Variants in KIFBP observed in about 807,000 individuals in gnomAD.
KIFBP encodes the protein kinesin family binding protein.
In KIFBP, 46 loss-of-function variants were observed where a neutral mutation model predicts 58.9. The observed-to-expected ratio is 0.78, with a 90% CI of 0.62 to 1.00. The LOEUF (loss-of-function observed/expected upper bound fraction) is 1.00, where lower values mean the gene tolerates loss of function less well. Ranked by LOEUF, KIFBP falls within the 50% of genes least tolerant of loss-of-function variation. KIFBP has a pLI of 0.00. For missense variants in KIFBP, 651 were observed against 752.9 expected, an observed-to-expected ratio of 0.86 and a Z score of 1.58; for synonymous variants, 241 against 283.4, an observed-to-expected ratio of 0.85 and a Z score of 1.50.
intron 1 of KIFBP, 69 bp from the exon 2 acceptor site, chr10:69,000,355 A>G (rs1843453160): frequency 9.3e-7 from 1 of 1,076,586 alleles, no homozygotes; most frequent in Admixed American, 1.7e-5. Context: ...ATTGACTTCA[A>G]AACTATGAAA....
chr10:69,006,917 T>C (rs1451611898), intron 4 of KIFBP: 6 of 152,214 alleles, frequency 3.9e-5, no homozygotes, highest in Admixed American at 3.3e-4. Context: ...GACTTTGGTC[T>C]AAGATCAAGT....
chr10:68,996,646 A>T (rs1589294159), intron 1 of KIFBP, among the ~76,000 whole-genome samples: 1 of 152,144 alleles, frequency 6.6e-6, no homozygotes, highest in Non-Finnish European at 1.5e-5. Context: ...TGAGGTCAGC[A>T]GTTCGAGACC....
intron 6 of KIFBP, 141 bp from the exon 7 acceptor site, chr10:69,015,397 GTGT>G (rs1838983925): frequency 2.9e-6 from 2 of 682,308 alleles, no homozygotes; most frequent in Admixed American, 3.0e-5. Flanking sequence ...GTTTTCAAAG[GTGT>G]TTAAGATTAT....
intron 6 of KIFBP, among the ~76,000 whole-genome samples, chr10:69,014,986 A>T (rs1176049982): frequency 1.3e-5 from 2 of 152,040 alleles, no homozygotes; most frequent in Non-Finnish European, 2.9e-5. Context: ...GCTGTGGCGC[A>T]ATCTCCACTT....
intron 1 of KIFBP, among the ~76,000 whole-genome samples, chr10:68,994,091 T>C (rs575042979): frequency 1.3e-5 from 2 of 152,064 alleles, no homozygotes; most frequent in East Asian, 1.9e-4. Flanking sequence ...CAGGAGGCTG[T>C]GGGAGGACTG....
At chr10:69,009,492 A>G (rs1057497773) in intron 5 of KIFBP, among the ~76,000 whole-genome samples, 2 of 152,158 alleles carry the variant, frequency 1.3e-5, no homozygotes, top group Non-Finnish European at 2.9e-5. Flanking sequence ...CAGTTGTCAC[A>G]TCTCTTCAGG....
intron 6 of KIFBP, among the ~76,000 whole-genome samples, chr10:69,012,814 G>A (rs1200506309): frequency 1.3e-5 from 2 of 151,964 alleles, no homozygotes; most frequent in Non-Finnish European, 2.9e-5. Flanking sequence ...AATCACTTGA[G>A]CCCAGGAGGC....
At chr10:69,009,064 G>C (rs866377511) in intron 5 of KIFBP, 139 bp downstream of exon 5, 3 of 674,932 alleles carry the variant, frequency 4.4e-6, no homozygotes, top group Non-Finnish European at 7.9e-6. Context: ...TATTTTCCTC[G>C]CTTGGAATCA....
intron 1 of KIFBP, among the ~76,000 whole-genome samples, chr10:68,996,340 C>A (rs931960033): frequency 6.6e-6 from 1 of 151,304 alleles, no homozygotes; most frequent in Non-Finnish European, 1.5e-5. Flanking sequence ...GTGGGTGGAT[C>A]ACCTAAGGTC....
Position 69,005,105 on chromosome 10 carries a change from T to C in KIFBP, c.585T>C (p.Thr195=), listed in dbSNP as rs746531806. The change falls in exon 3 of 7, where the codon ACT becomes ACC. Residue 195 remains threonine, a synonymous_variant. Transcript: ENST00000361983. ...TTCTTCCTGAAGAAGAGAAACTTAC[T>C]GAACAAGAGAGATCAAAAAGGTGAG... ...ERFLPEEEKL[T]EQERSKRFEK... 1.2e-6 allele frequency: 2 copies of C among 1,612,696 alleles called. No individual in the cohort carries two copies. The highest frequency in any genetic ancestry group is 1.7e-6 in the Non-Finnish European group (2 of 1,178,748).
rs1554842726 is a variant in KIFBP, at chr10:68,998,757, GTA to G, written c.427-1653_427-1652del. On this transcript the variant is annotated intron_variant, in intron 1 of 6. Transcript: ENST00000361983. ...TACATACATACATACATACATATATGTATATATATATATATTTTTTTTTTTTT... is the reference window on the plus strand; with the variant it reads ...TACATACATACATACATACATATATGTATATATATATATTTTTTTTTTTTT... Among the ~76,000 whole-genome samples, 16 of 79,886 alleles carry G rather than the reference GTA, an allele frequency of 2.0e-4. No homozygotes were observed. The East Asian group carries it at 2.2e-3, about 11-fold the overall frequency. 52.4% of individuals were successfully genotyped at this position (79,886 alleles called of 152,430 possible).
At chr10:69,005,549 G>A (rs1245744759) in intron 3 of KIFBP, among the ~76,000 whole-genome samples, 183 bp from the exon 4 acceptor site, 11 of 151,840 alleles carry the variant, frequency 7.2e-5, no homozygotes, top group East Asian at 1.9e-4. Context: ...GGTGGCAGGC[G>A]CCTGTAATCC....
Position 69,015,595 on chromosome 10 carries a change from A to G in KIFBP, c.1045A>G (p.Lys349Glu), listed in dbSNP as rs764929585. Residue 349 changes from lysine (K) to glutamate (E), a missense_variant, in exon 7 of 7, where the codon AAA (lysine) becomes GAA (glutamate). By Grantham distance (56) the Lys-to-Glu change is moderately conservative (BLOSUM62 1). Coordinates refer to ENST00000361983, the MANE Select transcript of KIFBP (RefSeq NM_015634.4). ...DKQSELRALR[K>E]KELDEEESIR... ...ACAGTCTGAACTTAGAGCTTTAAGG[A>G]AAAAAGAACTAGATGAGGAGGAAAG... 1.2e-6 allele frequency: 2 copies of G among 1,613,488 alleles called. No homozygotes were observed. The highest frequency in any genetic ancestry group is 1.1e-5 in the South Asian group (1 of 91,008).
At chr10:68,996,525 C>T (rs185011224) in intron 1 of KIFBP, among the ~76,000 whole-genome samples, 241 of 151,918 alleles carry the variant, frequency 1.6e-3, no homozygotes, top group African/African-American at 5.7e-3. Flanking sequence ...TGTGCCACTG[C>T]ACTCCAGCCT....
At chr10:69,001,783 T>C (rs1370282681) in intron 2 of KIFBP, among the ~76,000 whole-genome samples, 2 of 152,080 alleles carry the variant, frequency 1.3e-5, no homozygotes, top group East Asian at 3.8e-4. Flanking sequence ...AAAGTGCTTT[T>C]ATAACATTAA....
At chr10:68,998,963 T>C (rs1046447351) in intron 1 of KIFBP, among the ~76,000 whole-genome samples, 4 of 151,406 alleles carry the variant, frequency 2.6e-5, no homozygotes, top group African/African-American at 9.7e-5. Context: ...TATTTTTCAG[T>C]AGAGATGGGG....
At chr10:69,007,795 T>A (rs1475032772) in intron 4 of KIFBP, 1 of 152,240 alleles carries the variant, frequency 6.6e-6, no homozygotes, top group Non-Finnish European at 1.5e-5. Flanking sequence ...TGAGGGTGGC[T>A]TCCAACTAAA....
At chr10:69,014,715 T>TGC (rs1838966708) in intron 6 of KIFBP, among the ~76,000 whole-genome samples, 2 of 133,288 alleles carry the variant, frequency 1.5e-5, no homozygotes, top group Admixed American at 7.8e-5. Context: ...TTTTTTTATT[T>TGC]GCCCCCCCCC....
intron 5 of KIFBP, 79 bp downstream of exon 5, chr10:69,009,004 G>A: frequency 1.7e-6 from 2 of 1,208,140 alleles, no homozygotes; most frequent in South Asian, 2.4e-5. Context: ...TTGAAAAGTT[G>A]CAAGAACAGA....
Sources: gnomAD v4.1 joint callset for allele counts (sites outside exome capture counted in the v4.1 genomes callset) on GRCh38, gnomAD v4.1.1 for gene constraint, MANE v1.5 for transcripts, NCBI Gene and HGNC (gene_info 2026-07-23, HGNC 2026-07-21) for gene names.